MROH1: variants seen among roughly 807,000 people sequenced by gnomAD.
The protein encoded by MROH1 is maestro heat like repeat family member 1, also known as maestro heat-like repeat-containing protein family member 1.
MROH1 carries 117 observed loss-of-function variants against 116.5 expected under a neutral mutation model. That is an observed-to-expected ratio of 1.00 (90% CI 0.86 to 1.17). MROH1 has a LOEUF of 1.17. MROH1 is among the 50% of genes most tolerant of loss of function. The pLI is 0.00. For synonymous variants in MROH1, 921 were observed against 583.9 expected (o/e 1.58, Z -8.32); for missense variants, 1,873 against 1,338.5 (o/e 1.40, Z -6.23).
At chr8:144,259,471 G>T in intron 37 of MROH1, 117 bp downstream of exon 37, 2 of 695,590 alleles carry the variant, frequency 2.9e-6, no homozygotes, top group Non-Finnish European at 5.3e-6. Flanking sequence ...TGTGAGGGAG[G>T]TTATGTGGAT....
chr8:144,245,415 T>C (rs1243315206), intron 29 of MROH1, among the ~76,000 whole-genome samples, 155 bp downstream of exon 29: 6 of 152,178 alleles, frequency 3.9e-5, no homozygotes, highest in African/African-American at 1.4e-4. Flanking sequence ...GGGCCAGGAG[T>C]TGTCAGGGAT....
chr8:144,196,438 C>G (rs1477468904), intron 10 of MROH1, among the ~76,000 whole-genome samples: 1 of 151,726 alleles, frequency 6.6e-6, no homozygotes, highest in African/African-American at 2.4e-5. Flanking sequence ...CTCACTGCAA[C>G]CTCTGCCTCC....
intron 20 of MROH1, 42 bp downstream of exon 20, chr8:144,240,719 C>T (rs975674776): frequency 1.7e-4 from 124 of 709,970 alleles, no homozygotes; most frequent in African/African-American, 2.8e-4. Flanking sequence ...ACTTGGGCTC[C>T]GAGTTTCTGG....
intron 1 of MROH1, among the ~76,000 whole-genome samples, chr8:144,157,227 T>C (rs1243960389): frequency 6.6e-6 from 1 of 152,060 alleles, no homozygotes; most frequent in Non-Finnish European, 1.5e-5. Context: ...AAGTGCTGGC[T>C]TGAGCCACCA....
At chr8:144,175,408 A>T (rs1339970755) in intron 4 of MROH1, 81 of 818,316 alleles carry the variant, frequency 9.9e-5, no homozygotes, top group Non-Finnish European at 1.1e-4. Context: ...GCTGTACCCA[A>T]GCTGCTGCTC....
At chr8:144,199,271 G>A (rs1285541276) in intron 11 of MROH1, 71 bp downstream of exon 11, 2 of 1,481,978 alleles carry the variant, frequency 1.3e-6, no homozygotes, top group Admixed American at 3.8e-5. Context: ...GCTGTATGTG[G>A]AGGATGGTGG....
rs1843618108 is a variant in MROH1, at chr8:144,255,755, C to T, written c.3791+50C>T. On this transcript the variant is annotated intron_variant, in intron 35 of 43. Transcript: ENST00000326134. ...TCCAGTACTGATTCGGAAGCACAGG[C>T]ATGCGTGTGCACGCGCGTGGTGGGG... 4 of 713,416 alleles carry T rather than the reference C, an allele frequency of 5.6e-6. No individual in the cohort carries two copies. The South Asian group carries it at 5.9e-5, about 11-fold the overall frequency. The allele number at this position is 713,416 out of a possible 1,614,324, so 44.2% of individuals were successfully genotyped here.
intron 4 of MROH1, among the ~76,000 whole-genome samples, chr8:144,177,271 C>T (rs755814488): frequency 7.2e-5 from 11 of 152,196 alleles, no homozygotes; most frequent in Non-Finnish European, 1.3e-4. Context: ...AACATGTATG[C>T]CACAGCCACG....
chr8:144,216,949 A>C (rs1030424760), intron 12 of MROH1, among the ~76,000 whole-genome samples: 1 of 152,056 alleles, frequency 6.6e-6, no homozygotes, highest in Non-Finnish European at 1.5e-5. Flanking sequence ...TGGCCTCCCA[A>C]AGTGCTGGGA....
At position 144,196,158 on chromosome 8, in the gene MROH1, C is replaced by T. The variant is rs1455243881; in HGVS notation, c.949-2964C>T. On this transcript the variant is annotated intron_variant, in intron 10 of 43. Coordinates refer to ENST00000326134, the MANE Select transcript of MROH1 (RefSeq NM_032450.3). ...ACAAAAAATTAGCTGGGCGTGGTGG[C>T]GGGTGCCTGTAATCCCAACTACTCG... Among the ~76,000 whole-genome samples, 15 of 151,386 alleles carry T rather than the reference C, an allele frequency of 9.9e-5. No individual in the cohort carries two copies. In the East Asian group the frequency reaches 2.6e-3, roughly 26 times the overall value.
chr8:144,217,620 T>C (rs1410209335), intron 12 of MROH1, among the ~76,000 whole-genome samples: 1 of 152,194 alleles, frequency 6.6e-6, no homozygotes, highest in Non-Finnish European at 1.5e-5. Context: ...TTCTTTTCTT[T>C]TGAGACAGGG....
At chr8:144,261,596 C>T (rs1052388335) in intron 43 of MROH1, 59 bp from the exon 44 acceptor site, 18 of 700,922 alleles carry the variant, frequency 2.6e-5, no homozygotes, top group African/African-American at 1.7e-4. Flanking sequence ...GTGGCCCACG[C>T]GCAGGCATGG....
At position 144,163,415 on chromosome 8, in the gene MROH1, GC is replaced by G. The variant is rs1820035831; in HGVS notation, c.-56-353del. Among the ~76,000 whole-genome samples the G allele has an allele frequency of 7.9e-5, 12 of 152,326 alleles. No homozygotes were observed. In the South Asian group the frequency reaches 2.5e-3, roughly 32 times the overall value. ...GCATGTGATGTGTGAAAGCTGTGGT[GC>G]CCGTGCTCAGTTCCTCACAGTGTGG... is the stretch of plus-strand genomic sequence containing the variant. On this transcript the variant is annotated intron_variant, in intron 2 of 43. Coordinates refer to ENST00000326134, the MANE Select transcript of MROH1 (RefSeq NM_032450.3). The surrounding 1 kb of genome is among the most constrained non-coding windows in gnomAD (Gnocchi z 4.4).
At chr8:144,211,551 C>T (rs771346983) in intron 12 of MROH1, among the ~76,000 whole-genome samples, 1 of 151,866 alleles carries the variant, frequency 6.6e-6, no homozygotes, top group Non-Finnish European at 1.5e-5. Context: ...TGGTGAAACC[C>T]CCCTCCCTAC....
At chr8:144,169,641 T>C (rs1419747901) in intron 4 of MROH1, among the ~76,000 whole-genome samples, 2 of 147,918 alleles carry the variant, frequency 1.4e-5, no homozygotes, top group African/African-American at 5.0e-5. Flanking sequence ...ATTTTTATTA[T>C]TTATTTATAT....
Position 144,200,408 on chromosome 8 carries a change from C to A in MROH1, c.1028-20C>A, listed in dbSNP as rs1211365406. The A allele has an allele frequency of 2.0e-6, 3 of 1,532,934 alleles. No individual in the cohort carries two copies. Among genetic ancestry groups the A allele is most frequent in the Non-Finnish European group, 2.6e-6 (3 of 1,135,254 alleles). 95.0% of individuals were successfully genotyped at this position (1,532,934 alleles called of 1,614,324 possible). A position where few individuals can be genotyped will look rare whatever the true frequency, so the allele number is the denominator to read the frequency against. On this transcript the variant is annotated intron_variant, in intron 11 of 43. Transcript: ENST00000326134. ...TGAACAAGATGACATGGAGCCTAAT[C>A]TGTACCCGTTGCCCTGTAGCCTGCA...
Position 144,182,825 on chromosome 8 carries a change from C to T in MROH1, c.562+2302C>T, listed in dbSNP as rs1261614787. Among the ~76,000 whole-genome samples, 1 of 152,128 alleles carries T rather than the reference C, an allele frequency of 6.6e-6. No homozygotes were observed. The highest frequency in any genetic ancestry group is 2.4e-5 in the African/African-American group (1 of 41,418). ...GGTGCGGTGGCTCATGCCTGTAATC[C>T]CAGCACTTTGGAAAGCCGAAGCGGG... On this transcript the variant is annotated intron_variant, in intron 7 of 43. Transcript: ENST00000326134. This position sits in a 1 kb window ranked among gnomAD's most constrained non-coding sequence, Gnocchi z 4.1.
chr8:144,183,636 T>G (rs1049861003), intron 7 of MROH1, among the ~76,000 whole-genome samples: 1 of 150,680 alleles, frequency 6.6e-6, no homozygotes, highest in Non-Finnish European at 1.5e-5. Context: ...AAGGCCTTTC[T>G]TCTTCTTTTT....
intron 4 of MROH1, among the ~76,000 whole-genome samples, chr8:144,172,260 GA>G (rs1188891769): frequency 6.6e-6 from 1 of 152,172 alleles, no homozygotes; most frequent in Non-Finnish European, 1.5e-5. Flanking sequence ...TTTAAGGTCT[GA>G]AAAGAGACAT....
Sources: allele counts gnomAD v4.1 joint callset (sites outside exome capture counted in the v4.1 genomes callset), GRCh38; gene constraint gnomAD v4.1.1; non-coding constraint Gnocchi (gnomAD v3.1); transcripts MANE v1.5; gene names NCBI Gene and HGNC (gene_info 2026-07-23, HGNC 2026-07-21).